Variants in ATG5 observed in about 807,000 individuals in gnomAD.
ATG5 encodes autophagy related 5.
ATG5 carries 14 observed loss-of-function variants against 36.5 expected under a neutral mutation model. That is an observed-to-expected ratio of 0.38 (90% CI 0.25 to 0.60). The LOEUF is 0.60. ATG5 is among the 20% of genes least tolerant of loss of function. The pLI, the probability that ATG5 is intolerant of heterozygous loss-of-function variation, is 0.60. For synonymous variants in ATG5, 95 were observed against 101.5 expected, an observed-to-expected ratio of 0.94 and a Z score of 0.38; for missense variants, 195 against 326.7, an observed-to-expected ratio of 0.60 and a Z score of 3.11.
At chr6:106,244,068 C>T (rs1262613121) in intron 6 of ATG5, among the ~76,000 whole-genome samples, 1 of 151,798 alleles carries the variant, frequency 6.6e-6, no homozygotes, top group Non-Finnish European at 1.5e-5. Flanking sequence ...GTGCTTACCA[C>T]CCCATCCGGC....
intron 4 of ATG5, among the ~76,000 whole-genome samples, chr6:106,287,332 G>C (rs1780118826): frequency 6.6e-6 from 1 of 152,344 alleles, no homozygotes; most frequent in South Asian, 2.1e-4. Flanking sequence ...TCAAGGAACA[G>C]TCAGGACCAA....
At chr6:106,312,393 G>A (rs960055675) in intron 2 of ATG5, among the ~76,000 whole-genome samples, 8 of 152,174 alleles carry the variant, frequency 5.3e-5, no homozygotes, top group Non-Finnish European at 8.8e-5. Context: ...AACATACATA[G>A]TTTGAGCTCC....
chr6:106,198,268 T>C (rs1776279211), intron 7 of ATG5, among the ~76,000 whole-genome samples: 1 of 152,174 alleles, frequency 6.6e-6, no homozygotes, highest in Admixed American at 6.5e-5. Context: ...ACACTGGTTG[T>C]CTCTAGAAAG....
intron 1 of ATG5, among the ~76,000 whole-genome samples, chr6:106,323,474 T>A (rs549046099): frequency 1.8e-4 from 27 of 151,854 alleles, no homozygotes; most frequent in Admixed American, 7.2e-4. Context: ...AGGGTCTCGT[T>A]ATGTCGCCCA....
At chr6:106,197,870 G>A (rs188278459) in intron 7 of ATG5, among the ~76,000 whole-genome samples, 137 of 152,142 alleles carry the variant, frequency 9.0e-4, no homozygotes, top group Non-Finnish European at 1.6e-3. Context: ...AGTTTTTAAT[G>A]TTCTTTAAAG....
intron 4 of ATG5, among the ~76,000 whole-genome samples, chr6:106,285,824 A>G (rs929305683): frequency 1.3e-5 from 2 of 152,200 alleles, no homozygotes; most frequent in Non-Finnish European, 2.9e-5. Context: ...TTTTTTTCTA[A>G]CCACTTAAAA....
intron 6 of ATG5, among the ~76,000 whole-genome samples, chr6:106,236,957 C>A (rs537355867): frequency 6.6e-6 from 1 of 152,248 alleles, no homozygotes; most frequent in East Asian, 1.9e-4. Flanking sequence ...TACATCTATA[C>A]ACACATATAA....
At chr6:106,318,386 C>T (rs1021628876) in intron 1 of ATG5, among the ~76,000 whole-genome samples, 4 of 152,114 alleles carry the variant, frequency 2.6e-5, no homozygotes, top group African/African-American at 4.8e-5. Context: ...CCACATGTCA[C>T]GAACAGTAAA....
chr6:106,268,668 C>CAT (rs1305463339), intron 5 of ATG5, among the ~76,000 whole-genome samples: 4 of 152,114 alleles, frequency 2.6e-5, no homozygotes, highest in African/African-American at 7.2e-5. Context: ...AAATGTGTCA[C>CAT]ATATATACCA....
At chr6:106,275,089 T>C (rs1175502896) in intron 5 of ATG5, among the ~76,000 whole-genome samples, 1 of 152,198 alleles carries the variant, frequency 6.6e-6, no homozygotes, top group Non-Finnish European at 1.5e-5. Context: ...AAATATCTGT[T>C]GACTAAAACA....
At chr6:106,269,372 G>A (rs904550180) in intron 5 of ATG5, among the ~76,000 whole-genome samples, 58 of 149,786 alleles carry the variant, frequency 3.9e-4, no homozygotes, top group African/African-American at 1.4e-3. Context: ...GGGGCTGCTG[G>A]TGGAGCTGCC....
intron 5 of ATG5, among the ~76,000 whole-genome samples, chr6:106,270,990 C>T (rs1436273241): frequency 2.0e-5 from 3 of 152,214 alleles, no homozygotes; most frequent in African/African-American, 7.2e-5. Flanking sequence ...TATTCTTATA[C>T]CTAAGACTAT....
intron 6 of ATG5, among the ~76,000 whole-genome samples, chr6:106,227,514 T>C (rs1025716021): frequency 2.6e-5 from 4 of 152,218 alleles, no homozygotes; most frequent in Admixed American, 2.0e-4. Context: ...AAAGATCGCT[T>C]GAGCCCAGGA....
chr6:106,210,468 A>C (rs1776812935), intron 6 of ATG5, among the ~76,000 whole-genome samples: 1 of 152,216 alleles, frequency 6.6e-6, no homozygotes, highest in Non-Finnish European at 1.5e-5. Context: ...TAATAATGGC[A>C]GTTATAGTGA....
chr6:106,225,162 AG>A (rs1777407684), intron 6 of ATG5, among the ~76,000 whole-genome samples: 5 of 152,366 alleles, frequency 3.3e-5, no homozygotes, highest in Admixed American at 3.3e-4. Flanking sequence ...CCTATTTTAC[AG>A]ATTATAAAAT....
At chr6:106,289,804 T>C (rs1304484194) in intron 4 of ATG5, among the ~76,000 whole-genome samples, 3 of 152,192 alleles carry the variant, frequency 2.0e-5, no homozygotes, top group Non-Finnish European at 4.4e-5. Flanking sequence ...TGGCACTAAT[T>C]TGTATTTTTG....
At chr6:106,221,765 C>G (rs752304760) in intron 6 of ATG5, among the ~76,000 whole-genome samples, 4 of 151,048 alleles carry the variant, frequency 2.6e-5, no homozygotes, top group South Asian at 2.1e-4. Context: ...ACTATATCTA[C>G]TTATATTCCC....
chr6:106,188,229 T>C (rs1054324989), intron 7 of ATG5, among the ~76,000 whole-genome samples: 3 of 152,218 alleles, frequency 2.0e-5, no homozygotes, highest in Admixed American at 1.3e-4. Flanking sequence ...GATTCATTGC[T>C]TATAAGTTCC....
At chr6:106,293,672 A>G (rs1282634830) in intron 3 of ATG5, among the ~76,000 whole-genome samples, 2 of 152,320 alleles carry the variant, frequency 1.3e-5, no homozygotes, top group East Asian at 1.9e-4. Context: ...TATAATGTCA[A>G]CATTTTCCCA....
Sources: gnomAD v4.1 joint callset for allele counts (sites outside exome capture counted in the v4.1 genomes callset) on GRCh38, gnomAD v4.1.1 for gene constraint, MANE v1.5 for transcripts, NCBI Gene and HGNC (gene_info 2026-07-23, HGNC 2026-07-21) for gene names.